DCHS2: variants seen among roughly 807,000 people sequenced by gnomAD.
DCHS2 encodes the protein protocadherin-23.
In DCHS2, 142 loss-of-function variants were observed where a neutral mutation model predicts 182.4. That is an observed-to-expected ratio of 0.78 (90% CI 0.68 to 0.89). The LOEUF (loss-of-function observed/expected upper bound fraction) is 0.89, where lower values mean the gene tolerates loss of function less well. Ranked by LOEUF, DCHS2 falls within the 40% of genes least tolerant of loss-of-function variation. The pLI is 0.00. For synonymous variants in DCHS2, 1,740 were observed against 1,663.3 expected (o/e 1.05, Z -1.12); for missense variants, 4,319 against 4,198.6 (o/e 1.03, Z -0.79).
intron 16 of DCHS2, among the ~76,000 whole-genome samples, chr4:154,254,217 A>G (rs1732533447): frequency 6.6e-6 from 1 of 152,232 alleles, no homozygotes; most frequent in Non-Finnish European, 1.5e-5. Flanking sequence ...ATGTTCAGTA[A>G]AAGAGCTAAG....
intron 1 of DCHS2, among the ~76,000 whole-genome samples, chr4:154,458,036 A>T (rs1734845639): frequency 2.0e-5 from 3 of 152,250 alleles, no homozygotes. Context: ...ATGTTCAGAT[A>T]TAGAAATAAA....
chr4:154,466,043 C>T (rs987475613), intron 1 of DCHS2, among the ~76,000 whole-genome samples: 1 of 151,998 alleles, frequency 6.6e-6, no homozygotes, highest in Non-Finnish European at 1.5e-5. Flanking sequence ...CAGATAACCG[C>T]CCAAAAATAA....
At chr4:154,400,463 TGTAA>T (rs1305022932) in intron 1 of DCHS2, among the ~76,000 whole-genome samples, 4 of 70,520 alleles carry the variant, frequency 5.7e-5, no homozygotes, top group Non-Finnish European at 1.3e-4. Context: ...CCCCCCATGC[TGTAA>T]GGGTGGTTGA....
intron 1 of DCHS2, among the ~76,000 whole-genome samples, chr4:154,433,537 G>C (rs1733651834): frequency 6.6e-6 from 1 of 151,856 alleles, no homozygotes; most frequent in African/African-American, 2.4e-5. Flanking sequence ...TGGGCCTACA[G>C]GCGTGCGCCA....
chr4:154,300,407 A>C (rs1463759649), intron 12 of DCHS2, among the ~76,000 whole-genome samples: 1 of 149,522 alleles, frequency 6.7e-6, no homozygotes, highest in Non-Finnish European at 1.5e-5. Flanking sequence ...AGAAAATAGG[A>C]TGGTTCCTGT....
chr4:154,266,543 C>CTT (rs1448713204), intron 14 of DCHS2, among the ~76,000 whole-genome samples: 1 of 151,566 alleles, frequency 6.6e-6, no homozygotes, highest in Non-Finnish European at 1.5e-5. Flanking sequence ...GTAGTCCTAG[C>CTT]TACTTGGGAG....
Position 154,235,180 on chromosome 4 carries a change from C to T in DCHS2, c.9472G>A (p.Ala3158Thr). The change falls in exon 20 of 20, where the codon GCA (alanine) becomes ACA (threonine). Residue 3158 changes from alanine to threonine, a missense_variant. Physicochemically the swap from Ala to Thr is moderately conservative, Grantham distance 58. Coordinates refer to ENST00000357232, the MANE Select transcript of DCHS2 (RefSeq NM_001358235.2). ...ETDVMVTAET[A>T]EASQTFGEGD... ...TCCCCAAATGTTTGGCTGGCTTCTGCTGTTTCGGCAGTCACCATCACATCA... is the reference window on the plus strand; with the variant it reads ...TCCCCAAATGTTTGGCTGGCTTCTGTTGTTTCGGCAGTCACCATCACATCA... 1.2e-6 allele frequency: 2 copies of T among 1,614,070 alleles called. No individual in the cohort carries two copies. The highest frequency in any genetic ancestry group is 2.2e-5 in the East Asian group (1 of 44,862).
At position 154,259,759 on chromosome 4, in the gene DCHS2, A is replaced by C. The variant is rs1560991507; in HGVS notation, c.6578-3T>G. ...GGGTTCTTTCACAGTGAGTTGTCCTATTTTTATTTCCAAGGAGAAAAAAAA... is the reference window on the plus strand; with the variant it reads ...GGGTTCTTTCACAGTGAGTTGTCCTCTTTTTATTTCCAAGGAGAAAAAAAA... On this transcript the variant is annotated splice_polypyrimidine_tract_variant and splice_region_variant and intron_variant, in intron 14 of 19. Transcript: ENST00000357232. 3 of 1,597,082 alleles carry C rather than the reference A, an allele frequency of 1.9e-6. No homozygotes were observed. The highest frequency in any genetic ancestry group is 2.6e-6 in the Non-Finnish European group (3 of 1,174,712).
At chr4:154,401,706 A>G (rs188779237) in intron 1 of DCHS2, among the ~76,000 whole-genome samples, 9 of 152,318 alleles carry the variant, frequency 5.9e-5, no homozygotes, top group African/African-American at 1.2e-4. Context: ...AAAAGTGCCA[A>G]TGGTGGCCAG....
Position 154,239,325 on chromosome 4 carries a change from G to C in DCHS2, c.7360-23C>G, listed in dbSNP as rs763266935. The stretch of plus-strand genomic sequence containing the variant: ...GACCTGAGGGAAAAAGAGAAAAATA[G>C]GGACATTGTGCTTAAAGGCTGAAGG... On this transcript the variant is annotated intron_variant, in intron 18 of 19. Coordinates refer to ENST00000357232, the MANE Select transcript of DCHS2 (RefSeq NM_001358235.2). The C allele has an allele frequency of 1.2e-5, 19 of 1,610,918 alleles. No individual in the cohort carries two copies. The Admixed American group carries it at 3.0e-4, about 26-fold the overall frequency.
At chr4:154,454,023 T>C in intron 1 of DCHS2, among the ~76,000 whole-genome samples, 1 of 152,258 alleles carries the variant, frequency 6.6e-6, no homozygotes, top group East Asian at 1.9e-4. Flanking sequence ...ATTTAATACA[T>C]GCAATTGATG....
At chr4:154,406,209 G>A (rs767883486) in intron 1 of DCHS2, among the ~76,000 whole-genome samples, 1 of 152,204 alleles carries the variant, frequency 6.6e-6, no homozygotes, top group Non-Finnish European at 1.5e-5. Context: ...AAACACCCAC[G>A]CAGATTCTCA....
At chr4:154,278,048 A>AAT (rs1561006049) in intron 13 of DCHS2, among the ~76,000 whole-genome samples, 27 of 151,950 alleles carry the variant, frequency 1.8e-4, no homozygotes, top group Admixed American at 5.2e-4. Flanking sequence ...CACACACACA[A>AAT]AAAAAAAGAA....
intron 1 of DCHS2, among the ~76,000 whole-genome samples, chr4:154,485,154 G>T (rs1176024185): frequency 1.3e-5 from 2 of 151,882 alleles, no homozygotes; most frequent in Non-Finnish European, 2.9e-5. Context: ...ATTATAGAAA[G>T]GCAAGGAGTG....
intron 13 of DCHS2, among the ~76,000 whole-genome samples, chr4:154,286,260 G>T (rs1486755197): frequency 6.6e-6 from 1 of 152,026 alleles, no homozygotes; most frequent in Admixed American, 6.6e-5. Flanking sequence ...AGATGGCAAA[G>T]ACTACAATAA....
In DCHS2 at chr4:154,319,373, A is replaced by G. The variant is rs1578958464; in HGVS notation, c.5020+1006T>C. Among the ~76,000 whole-genome samples the G allele has an allele frequency of 3.9e-5, 6 of 152,154 alleles. No individual in the cohort carries two copies. In the South Asian group the frequency reaches 1.2e-3, roughly 32 times the overall value. On this transcript the variant is annotated intron_variant, in intron 9 of 19. Transcript: ENST00000357232. The stretch of plus-strand genomic sequence containing the variant: ...TTACATAAAATTAAGAAGCTTCTGC[A>G]CAGCAAAGAAAAAGGCAACCTATAG...
intron 3 of DCHS2, among the ~76,000 whole-genome samples, chr4:154,348,249 A>G (rs1458857423): frequency 6.6e-6 from 1 of 151,942 alleles, no homozygotes; most frequent in East Asian, 1.9e-4. Flanking sequence ...TGCACCACCA[A>G]CAACAGACAT....
chr4:154,354,567 TA>T (rs1332197348), intron 3 of DCHS2, among the ~76,000 whole-genome samples: 1 of 152,256 alleles, frequency 6.6e-6, no homozygotes, highest in Non-Finnish European at 1.5e-5. Context: ...TATGGATTTT[TA>T]TAACTAGTTT....
At chr4:154,482,328 C>T (rs1490667) in intron 1 of DCHS2, among the ~76,000 whole-genome samples, 138,616 of 152,292 alleles carry the variant, frequency 0.91, 64,454 homozygotes, top group East Asian at 1. Flanking sequence ...ATTTCTTACA[C>T]TTTAGCAGCT....
Sources: allele counts gnomAD v4.1 joint callset (sites outside exome capture counted in the v4.1 genomes callset), GRCh38; gene constraint gnomAD v4.1.1; transcripts MANE v1.5; gene names NCBI Gene and HGNC (gene_info 2026-07-23, HGNC 2026-07-21).